The following IGF1R variants were observed in gnomAD, a reference collection of about 807,000 sequenced individuals.
IGF1R encodes the protein insulin like growth factor 1 receptor, also known as insulin-like growth factor 1 receptor.
IGF1R carries 44 observed loss-of-function variants against 144.6 expected under a neutral mutation model. The ratio of observed to expected loss-of-function variants is 0.30; its 90% CI spans 0.24 to 0.39. IGF1R has a LOEUF of 0.39. Ranked by LOEUF, IGF1R falls within the 10% of genes least tolerant of loss-of-function variation. The pLI, the probability that IGF1R is intolerant of heterozygous loss-of-function variation, is 1.00. For missense variants in IGF1R, 1,355 were observed against 1,833.7 expected (o/e 0.74, Z 4.77); for synonymous variants, 795 against 722.8 (o/e 1.10, Z -1.60).
At chr15:98,768,851 C>A (rs1396475559) in intron 2 of IGF1R, among the ~76,000 whole-genome samples, 1 of 151,222 alleles carries the variant, frequency 6.6e-6, no homozygotes, top group Non-Finnish European at 1.5e-5. Flanking sequence ...TGGCGTGAGC[C>A]CAGGAGGCGG....
At chr15:98,717,167 C>T (rs564366498) in intron 2 of IGF1R, among the ~76,000 whole-genome samples, 17 of 152,118 alleles carry the variant, frequency 1.1e-4, no homozygotes, top group Non-Finnish European at 2.2e-4. Context: ...GTTTAAGGAC[C>T]GTTGATGCCT....
intron 20 of IGF1R, among the ~76,000 whole-genome samples, chr15:98,956,830 TGGTTCTG>T (rs1312911412): frequency 1.1e-4 from 17 of 152,228 alleles, no homozygotes; most frequent in Admixed American, 4.6e-4. Context: ...TGTACCGTGG[TGGTTCTG>T]GGTTCTGGGG....
rs2013884810 is a variant in IGF1R at position 98,891,108 on chromosome 15, G to A, written c.641-217G>A. On this transcript the variant is annotated intron_variant, in intron 2 of 20. Transcript: ENST00000650285. The surrounding 1 kb of genome is among the most constrained non-coding windows in gnomAD (Gnocchi z 4.7). ...GACCAAACAAGGAGTTCCTAGGAGAGACTGAACTTTAAAGATATCGACTCT... is the reference window on the plus strand; with the variant it reads ...GACCAAACAAGGAGTTCCTAGGAGAAACTGAACTTTAAAGATATCGACTCT... Among the ~76,000 whole-genome samples the A allele has an allele frequency of 6.6e-6, 1 of 152,224 alleles. No individual in the cohort carries two copies. The highest frequency in any genetic ancestry group is 2.1e-4 in the South Asian group (1 of 4,834).
chr15:98,851,575 C>T (rs950155729), intron 2 of IGF1R, among the ~76,000 whole-genome samples: 1 of 152,130 alleles, frequency 6.6e-6, no homozygotes, highest in African/African-American at 2.4e-5. Context: ...TGGCTCAGGA[C>T]CTCTGAGGTG....
intron 2 of IGF1R, among the ~76,000 whole-genome samples, chr15:98,724,824 C>T (rs1236772929): frequency 2.0e-5 from 3 of 152,176 alleles, no homozygotes; most frequent in South Asian, 4.1e-4. Context: ...CTGTGCAGTA[C>T]CTGTGGATTT....
Position 98,957,494 on chromosome 15 carries a change from G to A in IGF1R, c.*52G>A, listed in dbSNP as rs937851824. The A allele has an allele frequency of 2.5e-6, 4 of 1,608,792 alleles. No homozygotes were observed. The African/African-American group carries it at 5.3e-5, about 22-fold the overall frequency. On this transcript the variant is annotated 3_prime_UTR_variant, in exon 21 of 21. Coordinates refer to ENST00000650285, the MANE Select transcript of IGF1R (RefSeq NM_000875.5). ...AGTAACGTGTGCGCACGCGCAGCGG[G>A]GTGGGGGGGGAGAGAGAGTTTTAAC... is the stretch of plus-strand genomic sequence containing the variant.
At chr15:98,865,377 T>G (rs2141592144) in intron 2 of IGF1R, among the ~76,000 whole-genome samples, 1 of 152,316 alleles carries the variant, frequency 6.6e-6, no homozygotes, top group East Asian at 1.9e-4. Context: ...GGTACAGGCG[T>G]GGATCTGGGT....
At position 98,704,141 on chromosome 15, in the gene IGF1R, A is replaced by G. The variant is rs953860698; in HGVS notation, c.95-3421A>G. On this transcript the variant is annotated intron_variant, in intron 1 of 20. Transcript: ENST00000650285. This position sits in a 1 kb window ranked among gnomAD's most constrained non-coding sequence, Gnocchi z 4.9. ...TGCCCAGATTCCCTCAGACACCTCC[A>G]CAAAGGGTAATAAAATGGTTCGTTG... Among the ~76,000 whole-genome samples the G allele has an allele frequency of 2.0e-5, 3 of 152,166 alleles. No individual in the cohort carries two copies. The highest frequency in any genetic ancestry group is 4.4e-5 in the Non-Finnish European group (3 of 68,034).
At chr15:98,662,660 T>C (rs574023796) in intron 1 of IGF1R, among the ~76,000 whole-genome samples, 2 of 152,142 alleles carry the variant, frequency 1.3e-5, no homozygotes, top group African/African-American at 4.8e-5. Context: ...TGCTAAGTTA[T>C]GGGATGCTGA....
intron 2 of IGF1R, among the ~76,000 whole-genome samples, chr15:98,879,548 C>T (rs1211633729): frequency 6.6e-6 from 1 of 152,136 alleles, no homozygotes; most frequent in African/African-American, 2.4e-5. Context: ...GATTGGATGT[C>T]TCTTAACTCT....
At chr15:98,845,237 G>A (rs1050093795) in intron 2 of IGF1R, among the ~76,000 whole-genome samples, 5 of 152,200 alleles carry the variant, frequency 3.3e-5, no homozygotes, top group Middle Eastern at 3.4e-3. Context: ...TGTGAATTGC[G>A]CCTCAGTATT....
At chr15:98,654,349 C>T (rs1474000259) in intron 1 of IGF1R, among the ~76,000 whole-genome samples, 2 of 152,052 alleles carry the variant, frequency 1.3e-5, no homozygotes, top group African/African-American at 2.4e-5. Flanking sequence ...AATTAGGAGT[C>T]ACAGGTGTGT....
chr15:98,940,089 C>T (rs1016614531), intron 18 of IGF1R, among the ~76,000 whole-genome samples: 5 of 152,214 alleles, frequency 3.3e-5, no homozygotes, highest in South Asian at 2.1e-4. Context: ...GTTTTTACTT[C>T]GGTCTTTTAA....
intron 2 of IGF1R, among the ~76,000 whole-genome samples, chr15:98,796,125 G>A (rs945356625): frequency 2.6e-5 from 4 of 152,038 alleles, no homozygotes; most frequent in East Asian, 1.9e-4. Flanking sequence ...CCGTGGGAGC[G>A]AAGTGGCCAG....
At chr15:98,664,392 C>T (rs543923911) in intron 1 of IGF1R, among the ~76,000 whole-genome samples, 103 of 152,258 alleles carry the variant, frequency 6.8e-4, no homozygotes, top group African/African-American at 2.2e-3. Context: ...AGGCCGAGTG[C>T]GGTGGCTCAT....
chr15:98,839,460 G>A (rs1043350134), intron 2 of IGF1R, among the ~76,000 whole-genome samples: 1 of 152,120 alleles, frequency 6.6e-6, no homozygotes, highest in Non-Finnish European at 1.5e-5. Flanking sequence ...GGCTAGAAGT[G>A]GCAGCTCAAC....
At chr15:98,786,474 GGCCTCGGGTGTGGCAAGTGCCTTCCA>G (rs1163642089) in intron 2 of IGF1R, among the ~76,000 whole-genome samples, 2 of 152,176 alleles carry the variant, frequency 1.3e-5, no homozygotes, top group African/African-American at 4.8e-5. Flanking sequence ...CGAATGGCCA[GGCCTCGGGTGTGGCAAGTGCCTTCCA>G]GCTCAGTGCT....
chr15:98,772,510 A>ATTATTATTATTATTATTATTATTATTG (rs60796484), intron 2 of IGF1R, among the ~76,000 whole-genome samples: 1 of 141,948 alleles, frequency 7.0e-6, no homozygotes, highest in Non-Finnish European at 1.5e-5. Context: ...TATTATTATT[A>ATTATTATTATTATTATTATTATTATTG]TTATTTTAAG....
intron 2 of IGF1R, among the ~76,000 whole-genome samples, chr15:98,739,905 T>C (rs2054699687): frequency 6.6e-6 from 1 of 152,058 alleles, no homozygotes; most frequent in African/African-American, 2.4e-5. Flanking sequence ...TGTAAGAAAA[T>C]ATTAAACTTA....
Sources: gnomAD v4.1 joint callset for allele counts (sites outside exome capture counted in the v4.1 genomes callset) on GRCh38, gnomAD v4.1.1 for gene constraint, Gnocchi (gnomAD v3.1) non-coding constraint, MANE v1.5 for transcripts, NCBI Gene and HGNC (gene_info 2026-07-23, HGNC 2026-07-21) for gene names.